SNRPB: variants seen among roughly 807,000 people sequenced by gnomAD.
SNRPB encodes the protein small nuclear ribonucleoprotein-associated proteins B and B'.
SNRPB carries 5 observed loss-of-function variants against 26.6 expected under a neutral mutation model. The ratio of observed to expected loss-of-function variants is 0.19; its 90% CI spans 0.10 to 0.39. The LOEUF (loss-of-function observed/expected upper bound fraction) is 0.39. Ranked by LOEUF, SNRPB falls within the 10% of genes least tolerant of loss-of-function variation. SNRPB has a pLI of 1.00. For missense variants in SNRPB, 211 were observed against 311.9 expected (o/e 0.68, Z 2.44); for synonymous variants, 122 against 105.8 (o/e 1.15, Z -0.94).
chr20:2,463,024 C>T lies in SNRPB; in HGVS notation c.559+65G>A. The T allele has an allele frequency of 2.2e-6, 3 of 1,364,308 alleles. No homozygotes were observed. The highest frequency in any genetic ancestry group is 3.0e-6 in the Non-Finnish European group (3 of 995,832). The allele number at this position is 1,364,308 out of a possible 1,614,324, so 84.5% of individuals were successfully genotyped here. A position where few individuals can be genotyped will look rare whatever the true frequency, so the allele number is the denominator to read the frequency against. ...TCATCAGCTTCAGTCAAGGTTATATCTCATCATTAATCCAGCTAAGGCATC... is the reference window on the plus strand; with the variant it reads ...TCATCAGCTTCAGTCAAGGTTATATTTCATCATTAATCCAGCTAAGGCATC... On this transcript the variant is annotated intron_variant, in intron 5 of 6. Coordinates refer to ENST00000381342, the MANE Select transcript of SNRPB (RefSeq NM_003091.4). This position sits in a 1 kb window ranked among gnomAD's most constrained non-coding sequence, Gnocchi z 5.0.
At chr20:2,465,390 CTTTT>C (rs1222595485) in intron 3 of SNRPB, among the ~76,000 whole-genome samples, 2 of 122,296 alleles carry the variant, frequency 1.6e-5, no homozygotes, top group South Asian at 2.7e-4. Context: ...AGGGTAACCT[CTTTT>C]TTTTTTTTTT....
chr20:2,466,151 A>G, intron 2 of SNRPB, among the ~76,000 whole-genome samples: 1 of 152,118 alleles, frequency 6.6e-6, no homozygotes, highest in East Asian at 1.9e-4. Context: ...CCCTCCCTTC[A>G]GCTTAAGGTC....
intron 1 of SNRPB, among the ~76,000 whole-genome samples, chr20:2,469,079 A>T (rs13044564): frequency 6.6e-6 from 1 of 152,054 alleles, no homozygotes. Context: ...CAGCTCAACT[A>T]ATGTTTACTG....
intron 2 of SNRPB, chr20:2,467,306 C>T (rs786201019): frequency 3.9e-6 from 2 of 517,572 alleles, no homozygotes; most frequent in Non-Finnish European, 3.7e-6. Context: ...AGCTCTCCCC[C>T]CTCACACACC....
At chr20:2,467,176 G>A in intron 2 of SNRPB, 1 of 411,162 alleles carries the variant, frequency 2.4e-6, no homozygotes, top group Non-Finnish European at 4.7e-6. Flanking sequence ...ACCCACATGG[G>A]GAGCTGAGCA....
At chr20:2,470,663 C>A (rs2085108118) in intron 1 of SNRPB, 25 bp downstream of exon 1, 2 of 1,613,454 alleles carry the variant, frequency 1.2e-6, no homozygotes, top group African/African-American at 2.7e-5. Flanking sequence ...GAAGCTCCCG[C>A]GCCGCCAGCC....
At position 2,466,585 on chromosome 20, in the gene SNRPB, G is replaced by A. The variant is rs545000959; in HGVS notation, c.156-766C>T. ...TTTACAGTATATTAACTGGTTGTCT[G>A]TGGATGGACAGTTTTTCCCTTTTTT... On this transcript the variant is annotated intron_variant, in intron 2 of 6. Coordinates refer to ENST00000381342, the MANE Select transcript of SNRPB (RefSeq NM_003091.4). 3.9e-5 allele frequency among the ~76,000 whole-genome samples: 6 copies of A among 152,288 alleles called. No individual in the cohort carries two copies. The East Asian group carries it at 1.2e-3, about 29-fold the overall frequency.
In SNRPB at chr20:2,462,775, GC is replaced by G; in HGVS notation, c.560-15del. 1 of 1,521,494 alleles carries G rather than the reference GC, an allele frequency of 6.6e-7. No homozygotes were observed. Among genetic ancestry groups the G allele is most frequent in the Non-Finnish European group, 8.8e-7 (1 of 1,136,752 alleles). 94.2% of individuals were successfully genotyped at this position (1,521,494 alleles called of 1,614,324 possible). A position where few individuals can be genotyped will look rare whatever the true frequency, so the allele number is the denominator to read the frequency against. On this transcript the variant is annotated splice_polypyrimidine_tract_variant and intron_variant, in intron 5 of 6. Transcript: ENST00000381342. ...GGCCCATCATGCCTGCAAGAGAAAA[GC>G]CCCAAGAATATAGCTCAAGTGTCTA...
chr20:2,467,915 C>A (rs2085085320), intron 1 of SNRPB, among the ~76,000 whole-genome samples, 157 bp from the exon 2 acceptor site: 1 of 94,744 alleles, frequency 1.1e-5, no homozygotes, highest in Non-Finnish European at 3.0e-5. Flanking sequence ...CCTAGGAATT[C>A]TCCCATGCCA....
At chr20:2,470,566 C>T in intron 1 of SNRPB, 122 bp downstream of exon 1, 1 of 1,251,868 alleles carries the variant, frequency 8.0e-7, no homozygotes. Flanking sequence ...ACCGAGCGGC[C>T]TCGGCCCAGG....
chr20:2,467,373 G>A, intron 2 of SNRPB: 1 of 620,326 alleles, frequency 1.6e-6, no homozygotes. Flanking sequence ...CAAAGTGAGA[G>A]AAACAAAAAG....
intron 2 of SNRPB, 125 bp downstream of exon 2, chr20:2,467,482 G>T: frequency 1.2e-6 from 1 of 847,302 alleles, no homozygotes; most frequent in Non-Finnish European, 1.9e-6. Context: ...ATTTAAGTCT[G>T]CCCTCTAAAA....
intron 1 of SNRPB, 21 bp from the exon 2 acceptor site, chr20:2,467,779 G>C (rs1211939299): frequency 6.2e-7 from 1 of 1,611,218 alleles, no homozygotes; most frequent in South Asian, 1.1e-5. Flanking sequence ...AAATGGACAG[G>C]GATGAGACTC....
chr20:2,463,031 T>A lies in SNRPB; in HGVS notation c.559+58A>T. 7.1e-7 allele frequency: 1 copy of A among 1,413,098 alleles called. No homozygotes were observed. Among genetic ancestry groups the A allele is most frequent in the Non-Finnish European group, 9.6e-7 (1 of 1,040,202 alleles). 87.5% of individuals were successfully genotyped at this position (1,413,098 alleles called of 1,614,324 possible). A position where few individuals can be genotyped will look rare whatever the true frequency, so the allele number is the denominator to read the frequency against. On this transcript the variant is annotated intron_variant, in intron 5 of 6. Transcript: ENST00000381342. This position sits in a 1 kb window ranked among gnomAD's most constrained non-coding sequence, Gnocchi z 5.0. ...CTTCAGTCAAGGTTATATCTCATCA[T>A]TAATCCAGCTAAGGCATCTTCTATC...
chr20:2,470,696 CG>C lies in SNRPB; in HGVS notation c.-7del, dbSNP rs1247959629. ...GCCTGTGCCCTCCTTACCATGGTGG[CG>C]GTTCTGATGGCTCTGATACCCGCCG... is the stretch of plus-strand genomic sequence containing the variant. On this transcript the variant is annotated 5_prime_UTR_variant, in exon 1 of 7. Transcript: ENST00000381342. 4 of 1,613,528 alleles carry C rather than the reference CG, an allele frequency of 2.5e-6. No homozygotes were observed. The South Asian group carries it at 4.4e-5, about 18-fold the overall frequency.
chr20:2,463,002 T>C lies in SNRPB; in HGVS notation c.559+87A>G. ...CCTGCTTAATTATACAAACTCATCA[T>C]CAGCTTCAGTCAAGGTTATATCTCA... On this transcript the variant is annotated intron_variant, in intron 5 of 6. Transcript: ENST00000381342. This position sits in a 1 kb window ranked among gnomAD's most constrained non-coding sequence, Gnocchi z 5.0. 8.0e-7 allele frequency: 1 copy of C among 1,250,184 alleles called. No homozygotes were observed. Among genetic ancestry groups the C allele is most frequent in the Non-Finnish European group, 1.1e-6 (1 of 894,108 alleles). The allele number at this position is 1,250,184 out of a possible 1,614,324, so 77.4% of individuals were successfully genotyped here. A position where few individuals can be genotyped will look rare whatever the true frequency, so the allele number is the denominator to read the frequency against.
In SNRPB at chr20:2,463,663, C is replaced by G; in HGVS notation, c.420+84G>C. The G allele has an allele frequency of 9.5e-7, 1 of 1,048,966 alleles. No homozygotes were observed. The highest frequency in any genetic ancestry group is 1.4e-6 in the Non-Finnish European group (1 of 712,936). The allele number at this position is 1,048,966 out of a possible 1,614,324, so 65.0% of individuals were successfully genotyped here. On this transcript the variant is annotated intron_variant, in intron 4 of 6. Transcript: ENST00000381342. The surrounding 1 kb of genome is among the most constrained non-coding windows in gnomAD (Gnocchi z 5.0). ...GTCTGACAATCACAGGTTGGTCACT[C>G]TGGACCCTTTTAAAACTATGGACCC...
chr20:2,464,665 A>C (rs1175342322), intron 3 of SNRPB, among the ~76,000 whole-genome samples: 1 of 152,212 alleles, frequency 6.6e-6, no homozygotes, highest in Admixed American at 6.5e-5. Context: ...TCCAGATAAT[A>C]TATGTGGATT....
intron 6 of SNRPB, 160 bp downstream of exon 6, chr20:2,462,476 C>T (rs2085041948): frequency 1.3e-6 from 1 of 745,656 alleles, no homozygotes; most frequent in South Asian, 1.5e-5. Context: ...GGGAGGTAAG[C>T]CCAATTTAAG....
Sources: gnomAD v4.1 joint callset for allele counts (sites outside exome capture counted in the v4.1 genomes callset) on GRCh38, gnomAD v4.1.1 for gene constraint, Gnocchi (gnomAD v3.1) non-coding constraint, MANE v1.5 for transcripts, NCBI Gene and HGNC (gene_info 2026-07-23, HGNC 2026-07-21) for gene names.